Variants in RCAN2 observed in about 807,000 individuals in gnomAD.
RCAN2 encodes the protein calcipressin-2.
Under a neutral mutation model 23.6 loss-of-function variants are expected in RCAN2, and 9 were observed. The ratio of observed to expected loss-of-function variants is 0.38; its 90% CI spans 0.23 to 0.67. The LOEUF is 0.67. RCAN2 is among the 30% of genes least tolerant of loss of function. The pLI, the probability that RCAN2 is intolerant of heterozygous loss-of-function variation, is 0.51. For missense variants in RCAN2, 273 were observed against 302.3 expected, an observed-to-expected ratio of 0.90 and a Z score of 0.72; for synonymous variants, 109 against 115.7, an observed-to-expected ratio of 0.94 and a Z score of 0.37.
chr6:46,251,868 C>T (rs543796911), intron 2 of RCAN2, among the ~76,000 whole-genome samples: 1 of 152,234 alleles, frequency 6.6e-6, no homozygotes, highest in East Asian at 1.9e-4. Flanking sequence ...CTTTGATATT[C>T]CTTGTTTTGG....
intron 2 of RCAN2, among the ~76,000 whole-genome samples, chr6:46,282,596 GT>G (rs1398657766): frequency 6.6e-6 from 1 of 152,186 alleles, no homozygotes; most frequent in Non-Finnish European, 1.5e-5. Context: ...TACTGAATAT[GT>G]TTGTGTTCAT....
At chr6:46,414,966 C>A (rs980256764) in intron 2 of RCAN2, among the ~76,000 whole-genome samples, 1 of 152,128 alleles carries the variant, frequency 6.6e-6, no homozygotes. Context: ...ATTGTGAATT[C>A]TCTAATGTGG....
intron 2 of RCAN2, among the ~76,000 whole-genome samples, chr6:46,322,858 G>A (rs776353396): frequency 3.8e-4 from 58 of 152,206 alleles, no homozygotes; most frequent in Non-Finnish European, 6.6e-4. Flanking sequence ...AGAATTTTAC[G>A]TTTGAACCTT....
chr6:46,258,486 T>C (rs1766996284), intron 2 of RCAN2, among the ~76,000 whole-genome samples: 1 of 152,226 alleles, frequency 6.6e-6, no homozygotes, highest in South Asian at 2.1e-4. Context: ...CATTGTGTCA[T>C]ATAACTGCTT....
chr6:46,428,619 G>T (rs746308147), intron 2 of RCAN2, among the ~76,000 whole-genome samples: 4 of 152,160 alleles, frequency 2.6e-5, no homozygotes, highest in Non-Finnish European at 5.9e-5. Context: ...GATATTCAGG[G>T]CCCAGGACAG....
chr6:46,465,733 T>C (rs1043516359), intron 1 of RCAN2, among the ~76,000 whole-genome samples: 3 of 152,170 alleles, frequency 2.0e-5, no homozygotes, highest in African/African-American at 7.2e-5. Context: ...CAGGGGGCCA[T>C]GGAGGTGGAA....
intron 1 of RCAN2, among the ~76,000 whole-genome samples, chr6:46,473,198 C>T (rs926153510): frequency 6.6e-6 from 1 of 152,136 alleles, no homozygotes; most frequent in Non-Finnish European, 1.5e-5. Flanking sequence ...AATTTGCAAA[C>T]TCTTAAAGCA....
chr6:46,276,268 T>A (rs1378387633), intron 2 of RCAN2, among the ~76,000 whole-genome samples: 1 of 151,948 alleles, frequency 6.6e-6, no homozygotes, highest in Non-Finnish European at 1.5e-5. Context: ...AGAATTCTAG[T>A]GGATATTATT....
intron 2 of RCAN2, among the ~76,000 whole-genome samples, chr6:46,418,314 A>G (rs1399206408): frequency 3.3e-5 from 5 of 152,180 alleles, no homozygotes; most frequent in South Asian, 2.1e-4. Flanking sequence ...AAACACTTCA[A>G]ATATTCCTCT....
At chr6:46,225,538 G>T (rs1765633406) in intron 4 of RCAN2, among the ~76,000 whole-genome samples, 1 of 152,232 alleles carries the variant, frequency 6.6e-6, no homozygotes, top group Admixed American at 6.5e-5. Flanking sequence ...GGCCAGTGAT[G>T]ATGAGCACTT....
At chr6:46,312,982 T>C (rs1763312229) in intron 2 of RCAN2, among the ~76,000 whole-genome samples, 1 of 152,194 alleles carries the variant, frequency 6.6e-6, no homozygotes, top group African/African-American at 2.4e-5. Flanking sequence ...CTGTTAGACT[T>C]GCACATAAGA....
chr6:46,437,902 A>G (rs948631995), intron 2 of RCAN2, among the ~76,000 whole-genome samples: 1 of 152,232 alleles, frequency 6.6e-6, no homozygotes, highest in Admixed American at 6.5e-5. Flanking sequence ...CACAGGTTGC[A>G]GTTTTTAAAA....
chr6:46,295,518 G>T (rs1474844843), intron 2 of RCAN2, among the ~76,000 whole-genome samples: 1 of 152,110 alleles, frequency 6.6e-6, no homozygotes, highest in East Asian at 1.9e-4. Context: ...GTAGAGAGGG[G>T]TCACCTGTAT....
At chr6:46,299,042 A>G (rs898643139) in intron 2 of RCAN2, among the ~76,000 whole-genome samples, 8 of 152,058 alleles carry the variant, frequency 5.3e-5, no homozygotes, top group African/African-American at 1.9e-4. Context: ...TTTAAGTGGG[A>G]GCTAAACACT....
intron 2 of RCAN2, among the ~76,000 whole-genome samples, chr6:46,354,875 C>A (rs1764774845): frequency 6.6e-6 from 1 of 150,480 alleles, no homozygotes; most frequent in Non-Finnish European, 1.5e-5. Context: ...CCTGCAGAGA[C>A]TTCTCAGGAA....
At chr6:46,237,514 C>G (rs945536934) in intron 4 of RCAN2, among the ~76,000 whole-genome samples, 4 of 152,086 alleles carry the variant, frequency 2.6e-5, no homozygotes, top group Non-Finnish European at 4.4e-5. Context: ...TGTTTCCCAC[C>G]CCACATACTC....
intron 2 of RCAN2, among the ~76,000 whole-genome samples, chr6:46,366,647 C>T (rs934012661): frequency 3.3e-5 from 5 of 152,012 alleles, no homozygotes; most frequent in Non-Finnish European, 7.4e-5. Flanking sequence ...GCTTCTCATC[C>T]TCCATCACAC....
intron 4 of RCAN2, among the ~76,000 whole-genome samples, chr6:46,239,764 T>C (rs1213683359): frequency 2.0e-5 from 3 of 152,102 alleles, no homozygotes; most frequent in Non-Finnish European, 4.4e-5. Flanking sequence ...AGGGGAGCTA[T>C]ATATATTTCA....
chr6:46,320,542 C>T (rs1239902795), intron 2 of RCAN2, among the ~76,000 whole-genome samples: 2 of 152,094 alleles, frequency 1.3e-5, no homozygotes, highest in East Asian at 1.9e-4. Flanking sequence ...GGTATACTAT[C>T]GTGTAAAAAG....
Sources: gnomAD v4.1 joint callset for allele counts (sites outside exome capture counted in the v4.1 genomes callset) on GRCh38, gnomAD v4.1.1 for gene constraint, MANE v1.5 for transcripts, NCBI Gene and HGNC (gene_info 2026-07-23, HGNC 2026-07-21) for gene names.